GNG7: variants seen among roughly 807,000 people sequenced by gnomAD.
The protein encoded by GNG7 is G protein subunit gamma 7.
GNG7 carries 1 observed loss-of-function variant against 4.0 expected under a neutral mutation model. The ratio of observed to expected loss-of-function variants is 0.25; its 90% confidence interval spans 0.09 to 1.18. GNG7 has a LOEUF of 1.18. Ranked by LOEUF, GNG7 falls within the 50% of genes most tolerant of loss-of-function variation. GNG7 has a pLI of 0.50. For synonymous variants in GNG7, 34 were observed against 36.9 expected (o/e 0.92, Z 0.29); for missense variants, 86 against 91.9 (o/e 0.94, Z 0.26).
chr19:2,688,251 T>C (rs889108331), intron 1 of GNG7, among the ~76,000 whole-genome samples: 1 of 152,198 alleles, frequency 6.6e-6, no homozygotes, highest in African/African-American at 2.4e-5. Context: ...AGACTCCGTC[T>C]CAACAAAAGA....
intron 3 of GNG7, among the ~76,000 whole-genome samples, chr19:2,553,511 CATAT>C (rs1384799230): frequency 6.8e-6 from 1 of 147,988 alleles, no homozygotes; most frequent in Non-Finnish European, 1.5e-5. Flanking sequence ...CATCTCATTA[CATAT>C]ATGTACACAT....
intron 1 of GNG7, among the ~76,000 whole-genome samples, chr19:2,648,176 A>C (rs55862064): frequency 0.19 from 28,656 of 151,962 alleles, 2,964 homozygotes; most frequent in African/African-American, 0.27. Context: ...CTTGGTGGTC[A>C]CAAGTATATG....
At chr19:2,564,461 C>T (rs1979841330) in intron 2 of GNG7, among the ~76,000 whole-genome samples, 1 of 151,936 alleles carries the variant, frequency 6.6e-6, no homozygotes, top group Admixed American at 6.6e-5. Flanking sequence ...TGCACCTGTA[C>T]CACTCGGGAG....
chr19:2,568,162 TACATACACAC>T (rs1469090956), intron 2 of GNG7, among the ~76,000 whole-genome samples: 5 of 127,618 alleles, frequency 3.9e-5, no homozygotes, highest in Non-Finnish European at 6.3e-5. Flanking sequence ...CACATACACA[TACATACACAC>T]ACATACACAC....
Position 2,661,302 on chromosome 19 carries a change from G to GAAAGAAAGAAAGAAAGAAAGAAAGAAAA in GNG7, c.-134-15023_-134-15022insTTTTCTTTCTTTCTTTCTTTCTTTCTTT. 7.9e-4 allele frequency among the ~76,000 whole-genome samples: 58 copies of GAAAGAAAGAAAGAAAGAAAGAAAGAAAA among 73,118 alleles called. 3 individuals are homozygous for GAAAGAAAGAAAGAAAGAAAGAAAGAAAA. Among genetic ancestry groups the GAAAGAAAGAAAGAAAGAAAGAAAGAAAA allele is most frequent in the African/African-American group, 2.1e-3 (39 of 18,500 alleles). 48.0% of individuals were successfully genotyped at this position (73,118 alleles called of 152,430 possible). A position where few individuals can be genotyped will look rare whatever the true frequency, so the allele number is the denominator to read the frequency against. The stretch of plus-strand genomic sequence containing the variant: ...AGAAAGAAAGAAAGAAAGAAAGAAA[G>GAAAGAAAGAAAGAAAGAAAGAAAGAAAA]AGAAAGAAAGAAAGAAAGAAAGAAA... On this transcript the variant is annotated intron_variant, in intron 1 of 4. Coordinates refer to ENST00000382159, the MANE Select transcript of GNG7 (RefSeq NM_052847.3).
chr19:2,602,340 A>ACAG (rs1981225551), intron 2 of GNG7, among the ~76,000 whole-genome samples: 1 of 151,652 alleles, frequency 6.6e-6, no homozygotes, highest in African/African-American at 2.4e-5. Flanking sequence ...CCGTCTCAAA[A>ACAG]CAACAACAGA....
intron 2 of GNG7, among the ~76,000 whole-genome samples, chr19:2,622,064 C>A (rs1981887436): frequency 6.7e-6 from 1 of 148,402 alleles, no homozygotes; most frequent in African/African-American, 2.6e-5. Flanking sequence ...TGCCCAAAAC[C>A]CTCATCAACT....
rs1599367305 is a variant in GNG7, at chr19:2,514,078, T to C, written c.*944A>G. ...CGGGCGTAGTGGCACACGCCTGTAGTCTCAGCTACTCGGGAGGCTGAGGCA... is the reference window on the plus strand; with the variant it reads ...CGGGCGTAGTGGCACACGCCTGTAGCCTCAGCTACTCGGGAGGCTGAGGCA... On this transcript the variant is annotated 3_prime_UTR_variant, in exon 5 of 5. Coordinates refer to ENST00000382159, the MANE Select transcript of GNG7 (RefSeq NM_052847.3). 1 of 152,242 alleles carries C rather than the reference T, an allele frequency of 6.6e-6. No individual in the cohort carries two copies. The highest frequency in any genetic ancestry group is 2.4e-5 in the African/African-American group (1 of 41,360). The allele number at this position is 152,242 out of a possible 1,614,324, so 9.4% of individuals were successfully genotyped here.
chr19:2,597,619 G>A (rs1221501075), intron 2 of GNG7, among the ~76,000 whole-genome samples: 1 of 149,546 alleles, frequency 6.7e-6, no homozygotes, highest in Non-Finnish European at 1.5e-5. Context: ...TAATAAGGCC[G>A]AGTGTGGTGG....
chr19:2,688,127 C>T (rs923120819), intron 1 of GNG7, among the ~76,000 whole-genome samples: 1 of 152,122 alleles, frequency 6.6e-6, no homozygotes, highest in Non-Finnish European at 1.5e-5. Context: ...GTGGCGGGTG[C>T]CTGTAGTCCC....
chr19:2,535,495 G>A (rs1210875602), intron 3 of GNG7, among the ~76,000 whole-genome samples: 3 of 125,898 alleles, frequency 2.4e-5, no homozygotes, highest in South Asian at 2.6e-4. Flanking sequence ...GTAAGACCTT[G>A]TCTCAAAAAA....
rs1002971347 is a variant in GNG7 at position 2,602,848 on chromosome 19, G to C, written c.-78+43376C>G. Among the ~76,000 whole-genome samples, 97 of 152,116 alleles carry C rather than the reference G, an allele frequency of 6.4e-4. 2 individuals carry two copies. The highest frequency in any genetic ancestry group is 2.2e-3 in the African/African-American group (93 of 41,440). ...AAGGGGGCTCACTGCGGCTCTGCAA[G>C]GAAAGATGCGCTACCCACCCTTTTC... is the stretch of plus-strand genomic sequence containing the variant. On this transcript the variant is annotated intron_variant, in intron 2 of 4. Transcript: ENST00000382159.
intron 3 of GNG7, among the ~76,000 whole-genome samples, chr19:2,537,652 G>A (rs993507199): frequency 6.6e-6 from 1 of 151,780 alleles, no homozygotes; most frequent in African/African-American, 2.4e-5. Context: ...GGAAGCTGGA[G>A]GCGGGAAACT....
At chr19:2,570,788 G>T (rs534772782) in intron 2 of GNG7, among the ~76,000 whole-genome samples, 1 of 152,230 alleles carries the variant, frequency 6.6e-6, no homozygotes, top group East Asian at 1.9e-4. Flanking sequence ...CCTAAAAACA[G>T]ATGTTCAGCT....
At chr19:2,582,656 ATTTTTT>A (rs35625825) in intron 2 of GNG7, among the ~76,000 whole-genome samples, 2 of 86,146 alleles carry the variant, frequency 2.3e-5, no homozygotes, top group African/African-American at 4.4e-5. Flanking sequence ...CTAATTGTTA[ATTTTTT>A]TTTTTTTTTT....
chr19:2,539,413 T>C (rs1978870900), intron 3 of GNG7, among the ~76,000 whole-genome samples: 1 of 151,610 alleles, frequency 6.6e-6, no homozygotes, highest in African/African-American at 2.4e-5. Flanking sequence ...CAAGCGATTC[T>C]CCTGCCTCAG....
intron 3 of GNG7, among the ~76,000 whole-genome samples, chr19:2,548,953 AG>A (rs1165771217): frequency 6.6e-6 from 1 of 152,188 alleles, no homozygotes; most frequent in Non-Finnish European, 1.5e-5. Context: ...GCATCCCGAC[AG>A]GTTCAAGTGA....
At chr19:2,553,208 A>C (rs1309919433) in intron 3 of GNG7, among the ~76,000 whole-genome samples, 3 of 151,394 alleles carry the variant, frequency 2.0e-5, no homozygotes, top group Non-Finnish European at 4.4e-5. Flanking sequence ...AACTGTATGG[A>C]AATAAAAGGC....
chr19:2,553,935 T>C (rs1207559913), intron 3 of GNG7, among the ~76,000 whole-genome samples: 2 of 136,246 alleles, frequency 1.5e-5, no homozygotes. Context: ...ATATATTGTA[T>C]GTAATATATT....
Sources: gnomAD v4.1 joint callset for allele counts (sites outside exome capture counted in the v4.1 genomes callset) on GRCh38, gnomAD v4.1.1 for gene constraint, MANE v1.5 for transcripts, NCBI Gene and HGNC (gene_info 2026-07-23, HGNC 2026-07-21) for gene names.